SCIN: variants seen among roughly 807,000 people sequenced by gnomAD.
SCIN encodes the protein adseverin.
A neutral mutation model predicts 91.8 loss-of-function variants in SCIN; 91 were observed. The observed-to-expected ratio is 0.99, with a 90% CI of 0.84 to 1.18. SCIN has a LOEUF of 1.18. SCIN is among the 50% of genes most tolerant of loss of function. The pLI is 0.00. For synonymous variants in SCIN, 367 were observed against 312.6 expected (o/e 1.17, Z -1.84); for missense variants, 1,087 against 863.9 (o/e 1.26, Z -3.24).
At chr7:12,587,147 T>C (rs1156740749) in intron 3 of SCIN, among the ~76,000 whole-genome samples, 2 of 152,218 alleles carry the variant, frequency 1.3e-5, no homozygotes, top group African/African-American at 4.8e-5. Flanking sequence ...ATTACTCTGA[T>C]TTGATCATTA....
intron 13 of SCIN, among the ~76,000 whole-genome samples, chr7:12,645,224 C>A (rs908425849): frequency 7.9e-5 from 12 of 151,770 alleles, no homozygotes; most frequent in Admixed American, 5.9e-4. Flanking sequence ...GAGGCTGAGA[C>A]AGGAGAATCT....
In SCIN at chr7:12,607,014, C is replaced by A. The variant is rs191542455; in HGVS notation, c.666+2351C>A. ...AAAAATCTATAAATAAGATGTATTT[C>A]TAGTTGACTGTAATCCCTTGTCTCA... On this transcript the variant is annotated intron_variant, in intron 4 of 15. Coordinates refer to ENST00000297029, the MANE Select transcript of SCIN (RefSeq NM_001112706.3). Among the ~76,000 whole-genome samples the A allele has an allele frequency of 9.0e-3, 1,370 of 152,312 alleles. 9 individuals are homozygous for A. Among genetic ancestry groups the A allele is most frequent in the Middle Eastern group, 0.014 (4 of 294 alleles).
rs973989975 is a variant in SCIN at position 12,644,376 on chromosome 7, C to CT, written c.1759+68dup. The CT allele has an allele frequency of 1.6e-4, 237 of 1,506,196 alleles. No homozygotes were observed. In the African/African-American group the frequency reaches 2.9e-3, roughly 19 times the overall value. The allele number at this position is 1,506,196 out of a possible 1,614,324, so 93.3% of individuals were successfully genotyped here. On this transcript the variant is annotated intron_variant, in intron 12 of 15. Coordinates refer to ENST00000297029, the MANE Select transcript of SCIN (RefSeq NM_001112706.3). Reference sequence around the variant, plus strand: ...TTATACTGATACGATTGCTAATCATCTTTTTTTCACCAAAAAGTCACTTTC... The same window carrying CT: ...TTATACTGATACGATTGCTAATCATCTTTTTTTTCACCAAAAAGTCACTTTC...
intron 3 of SCIN, chr7:12,596,298 C>A: frequency 2.2e-6 from 1 of 453,474 alleles, no homozygotes; most frequent in Non-Finnish European, 4.4e-6. Context: ...TCATACTCCA[C>A]CATGTTGTCT....
chr7:12,609,527 CA>C (rs913908674), intron 4 of SCIN, among the ~76,000 whole-genome samples: 6 of 150,372 alleles, frequency 4.0e-5, no homozygotes, highest in Admixed American at 1.3e-4. Flanking sequence ...AACAAACAAA[CA>C]AAAAAAACCC....
At chr7:12,600,961 G>C (rs1185846779) in intron 3 of SCIN, among the ~76,000 whole-genome samples, 1 of 152,084 alleles carries the variant, frequency 6.6e-6, no homozygotes, top group Admixed American at 6.5e-5. Context: ...ACCTCCACAT[G>C]TATGCCTCAT....
chr7:12,621,984 A>G (rs1783419879), intron 4 of SCIN, among the ~76,000 whole-genome samples: 1 of 151,790 alleles, frequency 6.6e-6, no homozygotes, highest in South Asian at 2.1e-4. Context: ...TGCATTTTCT[A>G]AACTTGAATT....
At chr7:12,611,978 C>A (rs557069042) in intron 4 of SCIN, among the ~76,000 whole-genome samples, 1 of 151,552 alleles carries the variant, frequency 6.6e-6, no homozygotes, top group Non-Finnish European at 1.5e-5. Flanking sequence ...AATACCCACA[C>A]AAAAAATAAG....
chr7:12,616,891 G>C (rs1783310158), intron 4 of SCIN, among the ~76,000 whole-genome samples: 1 of 152,198 alleles, frequency 6.6e-6, no homozygotes, highest in East Asian at 1.9e-4. Flanking sequence ...CTACTCTTCT[G>C]CTGATTGCAT....
At chr7:12,601,419 C>G (rs1782955734) in intron 3 of SCIN, among the ~76,000 whole-genome samples, 1 of 152,158 alleles carries the variant, frequency 6.6e-6, no homozygotes, top group Non-Finnish European at 1.5e-5. Flanking sequence ...AAATTGCAAA[C>G]ACACTATCAA....
chr7:12,657,572 A>ATTTTTTT lies in SCIN; in HGVS notation c.*4877_*4883dup, dbSNP rs71030521. ...TATATATATATATATATATATATAT[A>ATTTTTTT]TTTTTTTTTTTTTTTTTTTTTTTTT... On this transcript the variant is annotated 3_prime_UTR_variant, in exon 16 of 16. Coordinates refer to ENST00000297029, the MANE Select transcript of SCIN (RefSeq NM_001112706.3). 8.6e-4 allele frequency: 19 copies of ATTTTTTT among 22,082 alleles called. No homozygotes were observed. Among genetic ancestry groups the ATTTTTTT allele is most frequent in the African/African-American group, 9.7e-4 (12 of 12,382 alleles). The allele number at this position is 22,082 out of a possible 1,614,324, so 1.4% of individuals were successfully genotyped here.
At chr7:12,638,209 T>C (rs930114475) in intron 10 of SCIN, among the ~76,000 whole-genome samples, 21 of 152,214 alleles carry the variant, frequency 1.4e-4, no homozygotes, top group Admixed American at 1.3e-3. Context: ...AATGTGTCCG[T>C]CTGCTTTCTC....
chr7:12,606,476 A>G (rs954062352), intron 4 of SCIN, among the ~76,000 whole-genome samples: 28 of 152,308 alleles, frequency 1.8e-4, no homozygotes, highest in African/African-American at 6.5e-4. Flanking sequence ...TATGTATTGT[A>G]ATGTCTTTAA....
chr7:12,640,563 C>A, intron 11 of SCIN, 46 bp downstream of exon 11: 1 of 1,496,352 alleles, frequency 6.7e-7, no homozygotes, highest in South Asian at 1.4e-5. Flanking sequence ...ATGGACTTCC[C>A]AATGGACCTG....
intron 3 of SCIN, among the ~76,000 whole-genome samples, chr7:12,597,125 A>C (rs1403044734): frequency 6.6e-6 from 1 of 152,230 alleles, no homozygotes; most frequent in South Asian, 2.1e-4. Flanking sequence ...TGAGGAGACA[A>C]CAAAATAGAT....
At chr7:12,583,594 A>G (rs1006477694) in intron 3 of SCIN, among the ~76,000 whole-genome samples, 1 of 152,188 alleles carries the variant, frequency 6.6e-6, no homozygotes, top group Admixed American at 6.5e-5. Flanking sequence ...TTCAGAACTG[A>G]TGATGCTTAA....
At position 12,636,030 on chromosome 7, in the gene SCIN, C is replaced by T. The variant is rs1363990924; in HGVS notation, c.1320-15C>T. On this transcript the variant is annotated splice_polypyrimidine_tract_variant and intron_variant, in intron 9 of 15. Coordinates refer to ENST00000297029, the MANE Select transcript of SCIN (RefSeq NM_001112706.3). The stretch of plus-strand genomic sequence containing the variant: ...CTTAAAGGCAAGCTAATTCGTTTCA[C>T]TTTCATTCCTCTAGGCAAGGAGCAA... 3 of 1,603,310 alleles carry T rather than the reference C, an allele frequency of 1.9e-6. No homozygotes were observed. Among genetic ancestry groups the T allele is most frequent in the African/African-American group, 1.3e-5 (1 of 74,856 alleles).
Position 12,644,694 on chromosome 7 carries a change from G to A in SCIN, c.1870G>A (p.Gly624Arg). Residue 624 changes from glycine (G) to arginine (R), a missense_variant, in exon 13 of 16, where the codon GGA becomes AGA. By Grantham distance (125) the Gly-to-Arg change is moderately radical. Coordinates refer to ENST00000297029, the MANE Select transcript of SCIN (RefSeq NM_001112706.3). ...GCTTTACGGCTGCTCTAACAAAACT[G>A]GAAGATTTGTTGTAAGTGTCCTTAA... Reference protein sequence around the residue: ...PRLYGCSNKTGRFVIEEIPGE... With the variant: ...PRLYGCSNKTRRFVIEEIPGE... 1 of 1,564,896 alleles carries A rather than the reference G, an allele frequency of 6.4e-7. No homozygotes were observed. Among genetic ancestry groups the A allele is most frequent in the Non-Finnish European group, 8.7e-7 (1 of 1,154,186 alleles).
intron 3 of SCIN, among the ~76,000 whole-genome samples, chr7:12,597,398 A>G (rs972939498): frequency 2.0e-5 from 3 of 152,224 alleles, no homozygotes; most frequent in African/African-American, 7.2e-5. Flanking sequence ...TTTTAGATGT[A>G]TTTAGAATAA....
Sources: allele counts gnomAD v4.1 joint callset (sites outside exome capture counted in the v4.1 genomes callset), GRCh38; gene constraint gnomAD v4.1.1; transcripts MANE v1.5; gene names NCBI Gene and HGNC (gene_info 2026-07-23, HGNC 2026-07-21).